The following DLG2 variants were observed in gnomAD, a reference collection of about 807,000 sequenced individuals.
DLG2 encodes the protein discs large MAGUK scaffold protein 2, also known as disks large homolog 2.
A neutral mutation model predicts 132.5 loss-of-function variants in DLG2; 45 were observed. The ratio of observed to expected loss-of-function variants is 0.34; its 90% CI spans 0.27 to 0.44. The LOEUF (loss-of-function observed/expected upper bound fraction) is 0.44, where lower values mean the gene tolerates loss of function less well. Among genes scored for constraint, DLG2 ranks in the 20% least tolerant of loss-of-function variants. The pLI is 1.00. For missense variants in DLG2, 1,045 were observed against 1,196.9 expected, an observed-to-expected ratio of 0.87 and a Z score of 1.87; for synonymous variants, 424 against 419.6, an observed-to-expected ratio of 1.01 and a Z score of -0.13.
intron 8 of DLG2, among the ~76,000 whole-genome samples, chr11:84,176,571 A>G (rs2154275855): frequency 6.6e-6 from 1 of 152,072 alleles, no homozygotes; most frequent in East Asian, 1.9e-4. Context: ...ATATTTTTCA[A>G]AGAAAAATGT....
At chr11:84,818,736 A>G (rs145440399) in intron 6 of DLG2, among the ~76,000 whole-genome samples, 3 of 152,020 alleles carry the variant, frequency 2.0e-5, no homozygotes, top group East Asian at 1.9e-4. Context: ...TTTTAATCCT[A>G]TAAGGTACAT....
intron 3 of DLG2, among the ~76,000 whole-genome samples, chr11:85,589,542 C>T (rs72955918): frequency 0.04 from 6,115 of 152,176 alleles, 174 homozygotes; most frequent in East Asian, 0.087. Context: ...CTTGCTGCAG[C>T]CACTGTGGGG....
intron 8 of DLG2, among the ~76,000 whole-genome samples, chr11:84,221,955 T>G (rs1462774303): frequency 1.3e-5 from 2 of 152,128 alleles, no homozygotes; most frequent in Non-Finnish European, 2.9e-5. Context: ...TACTAAAAAC[T>G]AATAGTAACA....
At chr11:84,313,641 AAAAGAAAGAAAGAAAG>A (rs201928030) in intron 7 of DLG2, among the ~76,000 whole-genome samples, 166 of 129,288 alleles carry the variant, frequency 1.3e-3, no homozygotes, top group South Asian at 3.9e-3. Context: ...GAAAGAGAGA[AAAAGAAAGAAAGAAAG>A]AAAGAAAGAA....
At position 83,532,783 on chromosome 11, in the gene DLG2, C is replaced by A; in HGVS notation, c.2118G>T (p.Arg706Ser). 1 of 1,611,634 alleles carries A rather than the reference C, an allele frequency of 6.2e-7. No individual in the cohort carries two copies. Among genetic ancestry groups the A allele is most frequent in the Non-Finnish European group, 8.5e-7 (1 of 1,178,720 alleles). The change falls in exon 21 of 28, where the codon AGG (arginine) becomes AGT (serine). Residue 706 changes from arginine (R) to serine (S), a missense_variant and splice_region_variant. Physicochemically the swap from Arg to Ser is moderately radical, Grantham distance 110. Coordinates refer to ENST00000376104, the MANE Select transcript of DLG2 (RefSeq NM_001142699.3). ...ATCGGGCACGTTCCTTTCTTTCCAC[C>A]CTAAAGCAAATTGAGAATAAAGAGT... The part of the protein sequence containing the change: ...EEMGVIPSKR[R>S]VERKERARLK...
intron 21 of DLG2, among the ~76,000 whole-genome samples, chr11:83,499,862 T>TG (rs2094363776): frequency 1.8e-5 from 1 of 54,674 alleles, no homozygotes; most frequent in Admixed American, 1.4e-4. Context: ...GATATATATA[T>TG]ATATATATAT....
intron 16 of DLG2, among the ~76,000 whole-genome samples, chr11:83,869,227 C>T (rs1270962307): frequency 6.6e-6 from 1 of 152,050 alleles, no homozygotes; most frequent in African/African-American, 2.4e-5. Flanking sequence ...TGGAACCAAA[C>T]ATCTGAGTAC....
At chr11:84,821,761 G>A (rs1292913343) in intron 6 of DLG2, among the ~76,000 whole-genome samples, 2 of 151,444 alleles carry the variant, frequency 1.3e-5, no homozygotes, top group Non-Finnish European at 3.0e-5. Flanking sequence ...AACCCATTGT[G>A]TATTACAAAG....
At chr11:84,392,098 T>A (rs1296145712) in intron 7 of DLG2, among the ~76,000 whole-genome samples, 1 of 152,198 alleles carries the variant, frequency 6.6e-6, no homozygotes, top group Non-Finnish European at 1.5e-5. Context: ...ATTTGTACAC[T>A]AGTAAGTGCT....
At chr11:84,290,330 C>T (rs2097972878) in intron 7 of DLG2, among the ~76,000 whole-genome samples, 1 of 152,204 alleles carries the variant, frequency 6.6e-6, no homozygotes. Context: ...GGCATACATG[C>T]TATAATGAAA....
chr11:83,616,508 T>C (rs1286255351), intron 19 of DLG2, among the ~76,000 whole-genome samples: 1 of 152,130 alleles, frequency 6.6e-6, no homozygotes, highest in African/African-American at 2.4e-5. Flanking sequence ...ATGTTTTTTT[T>C]TTCTCAAAGA....
intron 6 of DLG2, among the ~76,000 whole-genome samples, chr11:84,684,189 G>A (rs912845390): frequency 1.3e-5 from 2 of 152,158 alleles, no homozygotes; most frequent in African/African-American, 4.8e-5. Context: ...CTGAAAAAAT[G>A]TATTGAAAGA....
At chr11:85,553,188 G>T (rs1236494487) in intron 3 of DLG2, among the ~76,000 whole-genome samples, 1 of 151,572 alleles carries the variant, frequency 6.6e-6, no homozygotes, top group African/African-American at 2.4e-5. Flanking sequence ...TTACATACTG[G>T]TGATAGGAAT....
intron 6 of DLG2, among the ~76,000 whole-genome samples, chr11:84,690,207 T>A (rs572455560): frequency 5.9e-5 from 9 of 151,952 alleles, no homozygotes; most frequent in African/African-American, 1.9e-4. Flanking sequence ...CAGTTTTAGA[T>A]ATTTATTGCA....
At chr11:85,533,929 A>G (rs919147277) in intron 3 of DLG2, among the ~76,000 whole-genome samples, 7 of 152,224 alleles carry the variant, frequency 4.6e-5, no homozygotes, top group Admixed American at 4.6e-4. Flanking sequence ...GGAAAACTCT[A>G]GGTTTATTTT....
chr11:84,908,938 A>G (rs2091817746), intron 6 of DLG2, among the ~76,000 whole-genome samples: 1 of 151,858 alleles, frequency 6.6e-6, no homozygotes, highest in South Asian at 2.1e-4. Flanking sequence ...GACTGGCTAA[A>G]TAACTAGCTC....
intron 3 of DLG2, among the ~76,000 whole-genome samples, chr11:85,480,991 G>A (rs567169594): frequency 2.6e-5 from 4 of 152,300 alleles, no homozygotes; most frequent in South Asian, 2.1e-4. Context: ...GTTTTGCCTC[G>A]CTGGCTGGGT....
chr11:85,388,382 A>C (rs2086522712), intron 3 of DLG2, among the ~76,000 whole-genome samples: 1 of 152,160 alleles, frequency 6.6e-6, no homozygotes, highest in South Asian at 2.1e-4. Flanking sequence ...GCAGCCAAAG[A>C]CAAAGGACAT....
At chr11:84,921,384 A>T (rs901212892) in intron 6 of DLG2, among the ~76,000 whole-genome samples, 6 of 152,174 alleles carry the variant, frequency 3.9e-5, no homozygotes, top group Non-Finnish European at 8.8e-5. Flanking sequence ...AATACATAAG[A>T]AGTATATCTC....
Sources: allele counts gnomAD v4.1 joint callset (sites outside exome capture counted in the v4.1 genomes callset), GRCh38; gene constraint gnomAD v4.1.1; transcripts MANE v1.5; gene names NCBI Gene and HGNC (gene_info 2026-07-23, HGNC 2026-07-21).